The following MPP3 variants were observed in gnomAD, a reference collection of about 807,000 sequenced individuals.
The protein encoded by MPP3 is MAGUK p55 scaffold protein 3.
A neutral mutation model predicts 80.7 loss-of-function variants in MPP3; 48 were observed. That is an observed-to-expected ratio of 0.59 (90% CI 0.47 to 0.76). The LOEUF is 0.76. Among genes scored for constraint, MPP3 ranks in the 30% least tolerant of loss-of-function variants. MPP3 has a pLI of 0.00. For synonymous variants in MPP3, 311 were observed against 297.6 expected (o/e 1.04, Z -0.46); for missense variants, 620 against 763.0 (o/e 0.81, Z 2.21).
rs149181858 is a variant in MPP3 at position 43,831,867 on chromosome 17, G to C, written c.25+15C>G. 15 of 1,600,552 alleles carry C rather than the reference G, an allele frequency of 9.4e-6. No individual in the cohort carries two copies. In the East Asian group the frequency reaches 2.7e-4, roughly 29 times the overall value. On this transcript the variant is annotated intron_variant, in intron 3 of 19. Transcript: ENST00000398389. ...TTCAGGACTGTGGCAGGTCCAGCCGGGGGGAGGTACTTACCAGAGTCCTCC... is the reference window on the plus strand; with the variant it reads ...TTCAGGACTGTGGCAGGTCCAGCCGCGGGGAGGTACTTACCAGAGTCCTCC...
At chr17:43,807,792 TA>T (rs981774330) in intron 19 of MPP3, among the ~76,000 whole-genome samples, 1 of 151,512 alleles carries the variant, frequency 6.6e-6, no homozygotes, top group Non-Finnish European at 1.5e-5. Context: ...CCTGTCTCTA[TA>T]AAAAAATTTT....
Position 43,829,705 on chromosome 17 carries a change from A to AAAATCCTCATCG in MPP3, c.378_389dup (p.Asp129_Glu132dup). On this transcript the variant is annotated inframe_insertion, in exon 7 of 20. Transcript: ENST00000398389. Reference sequence around the variant, plus strand: ...GGACGATCTTCACCGATTCCTCATCAAAATCCTCATCGATATTGTCAGGCA... The same window carrying AAAATCCTCATCG: ...GGACGATCTTCACCGATTCCTCATCAAAATCCTCATCGAAATCCTCATCGATATTGTCAGGCA... 6.2e-6 allele frequency: 10 copies of AAAATCCTCATCG among 1,614,138 alleles called. No individual in the cohort carries two copies. The highest frequency in any genetic ancestry group is 7.6e-6 in the Non-Finnish European group (9 of 1,180,024).
In MPP3 at chr17:43,816,063, C is replaced by T. The variant is rs1348845316; in HGVS notation, c.984G>A (p.Glu328=). 1.3e-6 allele frequency: 2 copies of T among 1,508,676 alleles called. No homozygotes were observed. Among genetic ancestry groups the T allele is most frequent in the Admixed American group, 2.6e-5 (1 of 38,236 alleles). 93.5% of individuals were successfully genotyped at this position (1,508,676 alleles called of 1,614,324 possible). A position where few individuals can be genotyped will look rare whatever the true frequency, so the allele number is the denominator to read the frequency against. The change falls in exon 14 of 20, where the codon GAG becomes GAA. Residue 328 remains glutamate, a synonymous_variant. Transcript: ENST00000398389. The part of the protein sequence containing the change: ...QPCDKETCDC[E]GYLKGHYVAG... ...CCACATAGTGCCCTTTGAGGTAGCC[C>T]TCACAGTCACAGGTCTCTGGGAAGC...
intron 11 of MPP3, 42 bp downstream of exon 11, chr17:43,820,820 G>A (rs1260102727): frequency 6.3e-7 from 1 of 1,592,914 alleles, no homozygotes; most frequent in Non-Finnish European, 8.6e-7. Context: ...CTGTGCCTCT[G>A]CCACTCTGGA....
At chr17:43,806,212 C>G (rs1384595884) in intron 19 of MPP3, among the ~76,000 whole-genome samples, 2 of 152,162 alleles carry the variant, frequency 1.3e-5, no homozygotes, top group Non-Finnish European at 2.9e-5. Context: ...GTCGCCCAGG[C>G]TGAAGTACAG....
At chr17:43,828,774 C>T (rs758589065) in intron 7 of MPP3, among the ~76,000 whole-genome samples, 2 of 152,186 alleles carry the variant, frequency 1.3e-5, no homozygotes, top group Non-Finnish European at 2.9e-5. Context: ...CTTCTAGCCC[C>T]CCAGAACTGA....
rs2045012492 is a variant in MPP3, at chr17:43,814,332, A to C, written c.1039T>G (p.Cys347Gly). ...AGLRRSFRLG[C>G]RERLGGSQEG... ...TGCGAGCCACCCAGTCTCTCCCTACAGCCCAGCCGGAAGCTCCTCCGAAGA... is the reference window on the plus strand; with the variant it reads ...TGCGAGCCACCCAGTCTCTCCCTACCGCCCAGCCGGAAGCTCCTCCGAAGA... The change falls in exon 15 of 20, where the codon TGT (cysteine) becomes GGT (glycine). Residue 347 changes from cysteine (C) to glycine (G), a missense_variant. By Grantham distance (159) the Cys-to-Gly change is radical (BLOSUM62 -3). Transcript: ENST00000398389. 1 of 1,608,346 alleles carries C rather than the reference A, an allele frequency of 6.2e-7. No homozygotes were observed. The highest frequency in any genetic ancestry group is 1.3e-5 in the African/African-American group (1 of 74,878).
At chr17:43,804,972 C>G (rs777452097) in intron 19 of MPP3, among the ~76,000 whole-genome samples, 1 of 151,980 alleles carries the variant, frequency 6.6e-6, no homozygotes, top group African/African-American at 2.4e-5. Flanking sequence ...GAGCCAACAC[C>G]GCACCATTGC....
chr17:43,821,399 G>T (rs1035918631), intron 10 of MPP3, among the ~76,000 whole-genome samples: 1 of 152,198 alleles, frequency 6.6e-6, no homozygotes, highest in African/African-American at 2.4e-5. Context: ...GGAACAAAAA[G>T]TAAAGGCAAG....
intron 8 of MPP3, among the ~76,000 whole-genome samples, chr17:43,826,844 TC>T (rs1748114552): frequency 2.9e-5 from 4 of 140,160 alleles, no homozygotes; most frequent in African/African-American, 9.2e-5. Flanking sequence ...TTTTTTTTTT[TC>T]TTTTTTTTTT....
intron 16 of MPP3, among the ~76,000 whole-genome samples, chr17:43,811,838 C>A (rs1487660516): frequency 6.6e-6 from 1 of 152,198 alleles, no homozygotes; most frequent in African/African-American, 2.4e-5. Context: ...GGTGATCCAC[C>A]CGCCTCAGCC....
In MPP3 at chr17:43,811,108, G is replaced by T; in HGVS notation, c.1349+4C>A. ...AGGGCCAACTGGCCCATCAAGCAAC[G>T]TACTTGTTGTGATGTAAGTCGGCCT... On this transcript the variant is annotated splice_donor_region_variant and intron_variant, in intron 17 of 19. Coordinates refer to ENST00000398389, the MANE Select transcript of MPP3 (RefSeq NM_001932.6). 8.7e-6 allele frequency: 14 copies of T among 1,612,318 alleles called. No individual in the cohort carries two copies. The highest frequency in any genetic ancestry group is 1.2e-5 in the Non-Finnish European group (14 of 1,178,338).
intron 3 of MPP3, 80 bp from the exon 4 acceptor site, chr17:43,831,757 A>AACAG: frequency 4.2e-6 from 6 of 1,436,724 alleles, no homozygotes; most frequent in Non-Finnish European, 5.7e-6. Flanking sequence ...TGGGGCCTCA[A>AACAG]ACAGCACTTC....
Position 43,811,111 on chromosome 17 carries a change from C to T in MPP3, c.1349+1G>A, listed in dbSNP as rs748096760. ...GCCAACTGGCCCATCAAGCAACGTA[C>T]TTGTTGTGATGTAAGTCGGCCTCAA... On this transcript the variant is annotated splice_donor_variant, in intron 17 of 19. Transcript: ENST00000398389. LOFTEE classifies it high-confidence loss of function. 2 of 1,613,204 alleles carry T rather than the reference C, an allele frequency of 1.2e-6. No homozygotes were observed. Among genetic ancestry groups the T allele is most frequent in the Non-Finnish European group, 1.7e-6 (2 of 1,179,130 alleles).
chr17:43,817,775 G>A (rs146389164), intron 12 of MPP3: 38 of 386,276 alleles, frequency 9.8e-5, no homozygotes, highest in African/African-American at 5.6e-4. Flanking sequence ...ACATGCACAC[G>A]CGTGTGAACA....
chr17:43,831,703 G>T (rs2045968570), intron 3 of MPP3, 26 bp from the exon 4 acceptor site: 2 of 1,576,486 alleles, frequency 1.3e-6, no homozygotes, highest in Non-Finnish European at 1.7e-6. Context: ...AAAAACAAAG[G>T]ATAGCAAACG....
At chr17:43,811,581 T>A (rs2044861919) in intron 16 of MPP3, 1 of 173,732 alleles carries the variant, frequency 5.8e-6, no homozygotes, top group South Asian at 1.7e-4. Context: ...GCTGTGTTTT[T>A]TTTTTGTTTG....
At position 43,827,078 on chromosome 17, in the gene MPP3, C is replaced by T. The variant is rs902920189; in HGVS notation, c.523+673G>A. On this transcript the variant is annotated intron_variant, in intron 8 of 19. Coordinates refer to ENST00000398389, the MANE Select transcript of MPP3 (RefSeq NM_001932.6). ...TTGCCCAGGCGGGAGCGCAATGGCG[C>T]GATCTCGGCTCACTGCAACCTCCAC... 2.2e-4 allele frequency among the ~76,000 whole-genome samples: 34 copies of T among 151,940 alleles called. 2 individuals carry two copies. The East Asian group carries it at 6.2e-3, about 28-fold the overall frequency.
chr17:43,801,614 C>A lies in MPP3; in HGVS notation c.*87G>T. The A allele has an allele frequency of 5.5e-6, 7 of 1,281,634 alleles. No homozygotes were observed. The highest frequency in any genetic ancestry group is 5.1e-5 in the South Asian group (4 of 79,134). The allele number at this position is 1,281,634 out of a possible 1,614,324, so 79.4% of individuals were successfully genotyped here. A position where few individuals can be genotyped will look rare whatever the true frequency, so the allele number is the denominator to read the frequency against. The stretch of plus-strand genomic sequence containing the variant: ...TTGTGGAGAATTCTCTCCCTCTCTG[C>A]GCTTGAGATTCCTTGATGGTAAAAT... On this transcript the variant is annotated 3_prime_UTR_variant, in exon 20 of 20. Coordinates refer to ENST00000398389, the MANE Select transcript of MPP3 (RefSeq NM_001932.6).
Sources: gnomAD v4.1 joint callset for allele counts (sites outside exome capture counted in the v4.1 genomes callset) on GRCh38, gnomAD v4.1.1 for gene constraint, MANE v1.5 for transcripts, NCBI Gene and HGNC (gene_info 2026-07-23, HGNC 2026-07-21) for gene names.